Variants in IFI44L observed in about 807,000 individuals in gnomAD.
IFI44L encodes the protein interferon-induced protein 44-like.
Under a neutral mutation model 39.3 loss-of-function variants are expected in IFI44L, and 40 were observed. The ratio of observed to expected loss-of-function variants is 1.02; its 90% confidence interval spans 0.79 to 1.33. The LOEUF is 1.33. Ranked by LOEUF, IFI44L falls within the 40% of genes most tolerant of loss-of-function variation. The pLI, the probability that IFI44L is intolerant of heterozygous loss-of-function variation, is 0.00. For synonymous variants in IFI44L, 198 were observed against 182.3 expected, an observed-to-expected ratio of 1.09 and a Z score of -0.69; for missense variants, 623 against 549.0, an observed-to-expected ratio of 1.13 and a Z score of -1.35.
intron 2 of IFI44L, 50 bp from the exon 3 acceptor site, chr1:78,628,901 T>G: frequency 8.0e-7 from 1 of 1,250,844 alleles, no homozygotes; most frequent in South Asian, 1.2e-5. Flanking sequence ...TTGGCCACAT[T>G]TAACCAAACA....
rs148042790 is a variant in IFI44L at position 78,641,327 on chromosome 1, C to G, written c.1150-108C>G. ...GAATTATTGTATGTTCCGAAGATAA[C>G]TTATTAAGCCATTGCTTTTTTGGTT... On this transcript the variant is annotated intron_variant, in intron 7 of 8. Coordinates refer to ENST00000370751, the MANE Select transcript of IFI44L (RefSeq NM_006820.4). 20 of 1,035,716 alleles carry G rather than the reference C, an allele frequency of 1.9e-5. 1 individual carries two copies. The East Asian group carries it at 5.0e-4, about 26-fold the overall frequency. 64.2% of individuals were successfully genotyped at this position (1,035,716 alleles called of 1,614,324 possible). A position where few individuals can be genotyped will look rare whatever the true frequency, so the allele number is the denominator to read the frequency against.
chr1:78,626,863 TA>T (rs945972936), intron 1 of IFI44L: 3 of 151,996 alleles, frequency 2.0e-5, no homozygotes, highest in Non-Finnish European at 4.4e-5. Flanking sequence ...TCTGAGTCTC[TA>T]AAGTCCATCA....
intron 1 of IFI44L, among the ~76,000 whole-genome samples, chr1:78,624,845 T>C (rs1419950555): frequency 1.3e-5 from 2 of 152,186 alleles, no homozygotes; most frequent in Non-Finnish European, 2.9e-5. Flanking sequence ...TCATAGCCTG[T>C]TATGACAGGT....
At chr1:78,627,779 C>T in intron 1 of IFI44L, 127 bp from the exon 2 acceptor site, 1 of 425,560 alleles carries the variant, frequency 2.3e-6, no homozygotes. Flanking sequence ...ATATTTTTTG[C>T]CTTAACCAAA....
rs545044250 is a variant in IFI44L at position 78,641,143 on chromosome 1, C to G, written c.1149+22C>G. On this transcript the variant is annotated intron_variant, in intron 7 of 8. Transcript: ENST00000370751. ...CCGGGTAAAAAATGCTGATCATAAC[C>G]AGATATTATTGTAATAGTATCACAA... 16 of 1,469,722 alleles carry G rather than the reference C, an allele frequency of 1.1e-5. 1 individual carries two copies. In the South Asian group the frequency reaches 1.4e-4, roughly 13 times the overall value. 91.0% of individuals were successfully genotyped at this position (1,469,722 alleles called of 1,614,324 possible).
intron 4 of IFI44L, among the ~76,000 whole-genome samples, chr1:78,631,801 C>G (rs968240847): frequency 6.6e-6 from 1 of 151,754 alleles, no homozygotes; most frequent in Non-Finnish European, 1.5e-5. Context: ...TTTTTTTTGT[C>G]TTTTCTAGTG....
rs1266822217 is a variant in IFI44L at position 78,641,719 on chromosome 1, TGAAAGCTACATTAG to T, written c.1325-53_1325-40del. The T allele has an allele frequency of 1.1e-5, 17 of 1,610,510 alleles. No homozygotes were observed. In the East Asian group the frequency reaches 3.6e-4, roughly 34 times the overall value. On this transcript the variant is annotated intron_variant, in intron 8 of 8. Coordinates refer to ENST00000370751, the MANE Select transcript of IFI44L (RefSeq NM_006820.4). Reference sequence around the variant, plus strand: ...GGGGCCCACCTGCATGCCCTAGTCCTGAAAGCTACATTAGGATATATGTTTCATTTCCACTCTTG... The same window carrying T: ...GGGGCCCACCTGCATGCCCTAGTCCTGATATATGTTTCATTTCCACTCTTG...
At chr1:78,635,585 T>TA in intron 5 of IFI44L, 96 bp downstream of exon 5, 1 of 1,124,152 alleles carries the variant, frequency 8.9e-7, no homozygotes, top group Non-Finnish European at 1.3e-6. Context: ...ACTCCCATAA[T>TA]GTGGTTTCAA....
In IFI44L at chr1:78,627,908, A is replaced by G. The variant is rs1458608659; in HGVS notation, c.-8A>G. ...ACCTATAATTGTTTTTCCATTAGAT[A>G]TAGAACAATGGAAGTGACAACAAGA... On this transcript the variant is annotated splice_region_variant and 5_prime_UTR_variant, in exon 2 of 9. In the 5' UTR this introduces an upstream ATG that the reference lacks. Coordinates refer to ENST00000370751, the MANE Select transcript of IFI44L (RefSeq NM_006820.4). 5 of 1,543,480 alleles carry G rather than the reference A, an allele frequency of 3.2e-6. No individual in the cohort carries two copies. The highest frequency in any genetic ancestry group is 2.5e-5 in the South Asian group (2 of 81,504).
Position 78,641,043 on chromosome 1 carries a change from T to A in IFI44L, c.1071T>A (p.Leu357=), listed in dbSNP as rs1283877482. The A allele has an allele frequency of 6.2e-7, 1 of 1,611,970 alleles. No individual in the cohort carries two copies. The highest frequency in any genetic ancestry group is 8.5e-7 in the Non-Finnish European group (1 of 1,178,456). The change falls in exon 7 of 9, where the codon CTT becomes CTA. Residue 357 remains leucine, a synonymous_variant. Transcript: ENST00000370751. ...TAGGTATAGCATATGTGGCCTTGCT[T>A]ACTAAAGTGGATGATTGCAGTGAGG... The part of the protein sequence containing the change: ...LNCGIAYVAL[L]TKVDDCSEVL...
At chr1:78,638,209 T>C (rs955523526) in intron 6 of IFI44L, among the ~76,000 whole-genome samples, 1 of 152,180 alleles carries the variant, frequency 6.6e-6, no homozygotes, top group Non-Finnish European at 1.5e-5. Flanking sequence ...CATCTTCTCA[T>C]GTGCTTATTT....
Position 78,635,479 on chromosome 1 carries a change from A to G in IFI44L, c.866A>G (p.Asp289Gly). Residue 289 changes from aspartate to glycine, a missense_variant, in exon 5 of 9, where the codon GAC becomes GGC. Coordinates refer to ENST00000370751, the MANE Select transcript of IFI44L (RefSeq NM_006820.4). Reference protein sequence around the residue: ...IPHILKGCMPDRYQFNSRKPI... With the variant: ...IPHILKGCMPGRYQFNSRKPI... Reference sequence around the variant, plus strand: ...CACATCTTAAAAGGTTGTATGCCAGACAGATATCAGGTAAGATTTCTTCAA... The same window carrying G: ...CACATCTTAAAAGGTTGTATGCCAGGCAGATATCAGGTAAGATTTCTTCAA... The G allele has an allele frequency of 3.1e-6, 5 of 1,611,980 alleles. No homozygotes were observed. Among genetic ancestry groups the G allele is most frequent in the African/African-American group, 1.3e-5 (1 of 74,970 alleles).
chr1:78,641,231 G>C, intron 7 of IFI44L, 110 bp downstream of exon 7: 1 of 902,196 alleles, frequency 1.1e-6, no homozygotes, highest in Non-Finnish European at 1.8e-6. Flanking sequence ...TGTATTTGCA[G>C]GGAAATGAAG....
chr1:78,628,694 T>A, intron 2 of IFI44L: 1 of 511,170 alleles, frequency 2.0e-6, no homozygotes, highest in Non-Finnish European at 3.4e-6. Flanking sequence ...TGTTTTGACA[T>A]ATGACCCAAA....
intron 4 of IFI44L, 111 bp downstream of exon 4, chr1:78,630,026 A>C (rs1652690332): frequency 9.6e-7 from 1 of 1,037,298 alleles, no homozygotes; most frequent in South Asian, 1.4e-5. Context: ...TGCTAAATCA[A>C]ATGGAAAATA....
In IFI44L at chr1:78,645,778, A is replaced by G. The variant is rs547196651; in HGVS notation, c.*3969A>G. The G allele has an allele frequency of 1.3e-5, 2 of 152,320 alleles. No homozygotes were observed. The highest frequency in any genetic ancestry group is 4.1e-4 in the South Asian group (2 of 4,820). 9.4% of individuals were successfully genotyped at this position (152,320 alleles called of 1,614,324 possible). On this transcript the variant is annotated 3_prime_UTR_variant, in exon 9 of 9. Transcript: ENST00000370751. ...TTGCCATCAATGTAAGGAGGATAAAAACTTGCATACCAATTGTACACCCTT... is the reference window on the plus strand; with the variant it reads ...TTGCCATCAATGTAAGGAGGATAAAGACTTGCATACCAATTGTACACCCTT...
In IFI44L at chr1:78,645,195, T is replaced by G. The variant is rs1223912045; in HGVS notation, c.*3386T>G. The G allele has an allele frequency of 7.2e-5, 11 of 152,210 alleles. No homozygotes were observed. Among genetic ancestry groups the G allele is most frequent in the Admixed American group, 7.2e-4 (11 of 15,270 alleles). The allele number at this position is 152,210 out of a possible 1,614,324, so 9.4% of individuals were successfully genotyped here. ...ATAGCTTATGCTGTTTCAATGTAAA[T>G]TCGTGGTAAATAACTTAGGAACTGC... On this transcript the variant is annotated 3_prime_UTR_variant, in exon 9 of 9. Coordinates refer to ENST00000370751, the MANE Select transcript of IFI44L (RefSeq NM_006820.4).
In IFI44L at chr1:78,643,540, G is replaced by A. The variant is rs1293846484; in HGVS notation, c.*1731G>A. 1 of 151,988 alleles carries A rather than the reference G, an allele frequency of 6.6e-6. No homozygotes were observed. The highest frequency in any genetic ancestry group is 6.6e-5 in the Admixed American group (1 of 15,260). The allele number at this position is 151,988 out of a possible 1,614,324, so 9.4% of individuals were successfully genotyped here. The stretch of plus-strand genomic sequence containing the variant: ...GGATTTTTAAGAGAAAGGCAGGTAA[G>A]GTGCTGAAGGTCTGGAGCTGCTGAT... On this transcript the variant is annotated 3_prime_UTR_variant, in exon 9 of 9. Coordinates refer to ENST00000370751, the MANE Select transcript of IFI44L (RefSeq NM_006820.4).
rs189218322 is a variant in IFI44L at position 78,640,852 on chromosome 1, A to T, written c.1049-169A>T. On this transcript the variant is annotated intron_variant, in intron 6 of 8. Coordinates refer to ENST00000370751, the MANE Select transcript of IFI44L (RefSeq NM_006820.4). ...ACATGTTGGAAAAAAAAGATCAAAG[A>T]TCATTTCTCCTCTAGAAAAGCTTCA... Among the ~76,000 whole-genome samples the T allele has an allele frequency of 3.9e-5, 6 of 152,134 alleles. No individual in the cohort carries two copies. The East Asian group carries it at 7.7e-4, about 20-fold the overall frequency.
Sources: allele counts gnomAD v4.1 joint callset (sites outside exome capture counted in the v4.1 genomes callset), GRCh38; gene constraint gnomAD v4.1.1; transcripts MANE v1.5; gene names NCBI Gene and HGNC (gene_info 2026-07-23, HGNC 2026-07-21).